The following THSD7A variants were observed in gnomAD, a reference collection of about 807,000 sequenced individuals.
The protein encoded by THSD7A is thrombospondin type 1 domain containing 7A.
In THSD7A, 96 loss-of-function variants were observed where a neutral mutation model predicts 231.3. The ratio of observed to expected loss-of-function variants is 0.41; its 90% CI spans 0.35 to 0.49. THSD7A has a LOEUF of 0.49. Ranked by LOEUF, THSD7A falls within the 20% of genes least tolerant of loss-of-function variation. The probability of loss-of-function intolerance (pLI) is 0.05; values close to 1 mark genes in which losing one functional copy is unlikely to be tolerated. For missense variants in THSD7A, 2,290 were observed against 2,070.2 expected (o/e 1.11, Z -2.06); for synonymous variants, 940 against 743.3 (o/e 1.26, Z -4.30).
chr7:11,600,869 C>T (rs911186431), intron 2 of THSD7A, among the ~76,000 whole-genome samples: 2 of 152,128 alleles, frequency 1.3e-5, no homozygotes, highest in Non-Finnish European at 2.9e-5. Context: ...GCATCACAGT[C>T]AATTTGTCTG....
intron 4 of THSD7A, among the ~76,000 whole-genome samples, chr7:11,554,179 T>C (rs32): frequency 0.48 from 72,874 of 151,778 alleles, 17,813 homozygotes; most frequent in Admixed American, 0.6. Flanking sequence ...TCTCAGAATA[T>C]ATCCTTATTC....
intron 4 of THSD7A, among the ~76,000 whole-genome samples, chr7:11,556,797 T>C (rs938080101): frequency 2.6e-5 from 4 of 152,088 alleles, no homozygotes; most frequent in Non-Finnish European, 4.4e-5. Flanking sequence ...GGTAGTACTT[T>C]ATTCTGACCT....
At chr7:11,728,046 G>C (rs911739744) in intron 1 of THSD7A, among the ~76,000 whole-genome samples, 2 of 151,930 alleles carry the variant, frequency 1.3e-5, no homozygotes, top group African/African-American at 4.8e-5. Context: ...ATGGTCAAGG[G>C]ACCAGCAGTC....
At chr7:11,492,072 G>A (rs530432488) in intron 6 of THSD7A, among the ~76,000 whole-genome samples, 8 of 152,126 alleles carry the variant, frequency 5.3e-5, no homozygotes, top group Non-Finnish European at 7.4e-5. Flanking sequence ...TCCTGATCAA[G>A]CATGCATTCA....
Position 11,699,326 on chromosome 7 carries a change from C to T in THSD7A, c.191-62365G>A, listed in dbSNP as rs566862850. 1.1e-4 allele frequency among the ~76,000 whole-genome samples: 16 copies of T among 151,262 alleles called. No individual in the cohort carries two copies. In the South Asian group the frequency reaches 2.7e-3, roughly 26 times the overall value. Reference sequence around the variant, plus strand: ...AGACCCTATTGTCCTAGAATTGCTCCAATTTATATGACACTTTTTATCTCT... The same window carrying T: ...AGACCCTATTGTCCTAGAATTGCTCTAATTTATATGACACTTTTTATCTCT... On this transcript the variant is annotated intron_variant, in intron 1 of 27. Coordinates refer to ENST00000423059, the MANE Select transcript of THSD7A (RefSeq NM_015204.3).
At chr7:11,402,718 C>T (rs946965007) in intron 22 of THSD7A, among the ~76,000 whole-genome samples, 1 of 152,158 alleles carries the variant, frequency 6.6e-6, no homozygotes, top group Non-Finnish European at 1.5e-5. Flanking sequence ...TATATGAAAT[C>T]ATACCATATG....
chr7:11,600,570 T>C (rs1780515509), intron 2 of THSD7A, among the ~76,000 whole-genome samples: 1 of 152,118 alleles, frequency 6.6e-6, no homozygotes, highest in Non-Finnish European at 1.5e-5. Context: ...TGAAGAGTTT[T>C]CGTGAAATTG....
chr7:11,683,666 T>C (rs1783955613), intron 1 of THSD7A, among the ~76,000 whole-genome samples: 1 of 151,666 alleles, frequency 6.6e-6, no homozygotes. Context: ...TCCCAAAATT[T>C]AACAAGGAAG....
intron 1 of THSD7A, among the ~76,000 whole-genome samples, chr7:11,821,606 T>C (rs980480241): frequency 6.6e-6 from 1 of 152,174 alleles, no homozygotes; most frequent in Non-Finnish European, 1.5e-5. Flanking sequence ...TCTTAAAATA[T>C]CTCACTTTTT....
intron 1 of THSD7A, among the ~76,000 whole-genome samples, chr7:11,714,459 T>C (rs1366122680): frequency 6.6e-6 from 1 of 151,258 alleles, no homozygotes; most frequent in African/African-American, 2.4e-5. Flanking sequence ...TTGTATAGAT[T>C]GAGCTACTGA....
chr7:11,696,516 C>T (rs1343172729), intron 1 of THSD7A, among the ~76,000 whole-genome samples: 1 of 151,320 alleles, frequency 6.6e-6, no homozygotes, highest in Non-Finnish European at 1.5e-5. Context: ...GTTTGCTGCA[C>T]CTCTCAACCC....
rs536257772 is a variant in THSD7A at position 11,661,317 on chromosome 7, T to C, written c.191-24356A>G. Among the ~76,000 whole-genome samples, 65 of 151,490 alleles carry C rather than the reference T, an allele frequency of 4.3e-4. No individual in the cohort carries two copies. The Middle Eastern group carries it at 0.02, about 48-fold the overall frequency. On this transcript the variant is annotated intron_variant, in intron 1 of 27. Coordinates refer to ENST00000423059, the MANE Select transcript of THSD7A (RefSeq NM_015204.3). The stretch of plus-strand genomic sequence containing the variant: ...ATATAAATTATACACAACTCACTTT[T>C]ATTTATCAAAATGGCTCAAATTCAG...
chr7:11,600,327 G>A (rs1217831695), intron 2 of THSD7A, among the ~76,000 whole-genome samples: 1 of 151,758 alleles, frequency 6.6e-6, no homozygotes, highest in African/African-American at 2.4e-5. Context: ...GATACATGTG[G>A]GTTTCCTAAT....
chr7:11,796,031 G>T, intron 1 of THSD7A, among the ~76,000 whole-genome samples: 1 of 96,190 alleles, frequency 1.0e-5, no homozygotes, highest in Admixed American at 1.4e-4. Context: ...AATTAAATTA[G>T]CCATATATAT....
chr7:11,448,032 A>G (rs898137219), intron 11 of THSD7A, among the ~76,000 whole-genome samples: 1 of 152,120 alleles, frequency 6.6e-6, no homozygotes, highest in African/African-American at 2.4e-5. Flanking sequence ...GGAATCATTA[A>G]TGGATAAGCA....
intron 1 of THSD7A, among the ~76,000 whole-genome samples, chr7:11,725,442 C>A (rs942625205): frequency 8.6e-5 from 13 of 151,896 alleles, no homozygotes; most frequent in Non-Finnish European, 1.5e-4. Context: ...ACATACCTAT[C>A]TTGTTTGGCT....
At chr7:11,385,277 T>C (rs1782684813) in intron 23 of THSD7A, 1 of 152,098 alleles carries the variant, frequency 6.6e-6, no homozygotes, top group Non-Finnish European at 1.5e-5. Flanking sequence ...CATTTTCAAT[T>C]CTTAAACTTC....
At chr7:11,758,204 T>A (rs1043881658) in intron 1 of THSD7A, among the ~76,000 whole-genome samples, 1 of 151,820 alleles carries the variant, frequency 6.6e-6, no homozygotes, top group African/African-American at 2.4e-5. Context: ...CCAGTAGACT[T>A]AAACTACACT....
intron 6 of THSD7A, among the ~76,000 whole-genome samples, chr7:11,491,633 G>T (rs1786898453): frequency 6.6e-6 from 1 of 152,060 alleles, no homozygotes; most frequent in Non-Finnish European, 1.5e-5. Context: ...ATATATCATA[G>T]TCATTTGAAG....
Sources: allele counts gnomAD v4.1 joint callset (sites outside exome capture counted in the v4.1 genomes callset), GRCh38; gene constraint gnomAD v4.1.1; transcripts MANE v1.5; gene names NCBI Gene and HGNC (gene_info 2026-07-23, HGNC 2026-07-21).